Variants in AJAP1 observed in about 807,000 individuals in gnomAD.
AJAP1 encodes adherens junction-associated protein 1.
AJAP1 carries 5 observed loss-of-function variants against 35.0 expected under a neutral mutation model. That is an observed-to-expected ratio of 0.14 (90% CI 0.07 to 0.30). The LOEUF (loss-of-function observed/expected upper bound fraction) is 0.30. AJAP1 is among the 10% of genes least tolerant of loss of function. AJAP1 has a pLI of 1.00. For missense variants in AJAP1, 586 were observed against 571.0 expected (o/e 1.03, Z -0.27); for synonymous variants, 284 against 249.3 (o/e 1.14, Z -1.31).
Position 4,655,481 on chromosome 1 carries a change from C to T in AJAP1, c.29+27C>T, listed in dbSNP as rs369441367. 5 of 1,562,216 alleles carry T rather than the reference C, an allele frequency of 3.2e-6. No homozygotes were observed. In the African/African-American group the frequency reaches 5.6e-5, roughly 18 times the overall value. ...TGAGCGACCCGGCCGGCGCCGGGTG[C>T]GTGTGGGCGCGTGGGTGCCAGGCTG... is the stretch of plus-strand genomic sequence containing the variant. On this transcript the variant is annotated intron_variant, in intron 1 of 5. Transcript: ENST00000378191. This position sits in a 1 kb window ranked among gnomAD's most constrained non-coding sequence, Gnocchi z 6.9.
intron 1 of AJAP1, among the ~76,000 whole-genome samples, chr1:4,687,244 A>C (rs1639625824): frequency 6.6e-6 from 1 of 152,178 alleles, no homozygotes; most frequent in South Asian, 2.1e-4. Context: ...CACCATGGGC[A>C]CTCGCTATGT....
chr1:4,659,014 G>A (rs1027243399), intron 1 of AJAP1, among the ~76,000 whole-genome samples: 2 of 152,202 alleles, frequency 1.3e-5, no homozygotes, highest in African/African-American at 4.8e-5. Context: ...TTGGCAGGTG[G>A]GGCCCTGTGT....
At chr1:4,659,277 A>G (rs1220919931) in intron 1 of AJAP1, among the ~76,000 whole-genome samples, 6 of 152,206 alleles carry the variant, frequency 3.9e-5, no homozygotes, top group African/African-American at 1.4e-4. Context: ...TAGCTTGGAA[A>G]GCCAAATATA....
chr1:4,760,574 G>A (rs1189663478), intron 2 of AJAP1, among the ~76,000 whole-genome samples: 1 of 152,156 alleles, frequency 6.6e-6, no homozygotes, highest in Non-Finnish European at 1.5e-5. Flanking sequence ...GTCCATGGCT[G>A]GGGAGCCACA....
chr1:4,783,350 C>G lies in AJAP1; in HGVS notation c.*865C>G, dbSNP rs553516332. ...ATTCACCCCAGGGGACAGCCTCGAC[C>G]GAGACAAGGAGGCCCTTAAATGACA... On this transcript the variant is annotated 3_prime_UTR_variant, in exon 6 of 6. Transcript: ENST00000378191. The G allele has an allele frequency of 6.6e-6, 1 of 151,214 alleles. No individual in the cohort carries two copies. The highest frequency in any genetic ancestry group is 2.4e-5 in the African/African-American group (1 of 41,082). 9.4% of individuals were successfully genotyped at this position (151,214 alleles called of 1,614,324 possible).
At chr1:4,728,958 T>C (rs1467608808) in intron 2 of AJAP1, among the ~76,000 whole-genome samples, 1 of 152,098 alleles carries the variant, frequency 6.6e-6, no homozygotes, top group Non-Finnish European at 1.5e-5. Flanking sequence ...CACACATCCA[T>C]GTTTCCATTA....
chr1:4,704,157 G>GTTTTT (rs34590919), intron 1 of AJAP1, among the ~76,000 whole-genome samples: 1 of 145,294 alleles, frequency 6.9e-6, no homozygotes, highest in African/African-American at 2.5e-5. Context: ...AAACGGGGAA[G>GTTTTT]TTTTTTTTTT....
rs191038615 is a variant in AJAP1, at chr1:4,701,932, C to G, written c.30-9968C>G. 7.7e-4 allele frequency among the ~76,000 whole-genome samples: 118 copies of G among 152,294 alleles called. 1 individual carries two copies. The highest frequency in any genetic ancestry group is 2.6e-3 in the African/African-American group (108 of 41,574). On this transcript the variant is annotated intron_variant, in intron 1 of 5. Transcript: ENST00000378191. Reference sequence around the variant, plus strand: ...CTTCACCTCCCTTCCCTTTCCTCCCCCAACACCCCGCCATGCACAGCCATT... The same window carrying G: ...CTTCACCTCCCTTCCCTTTCCTCCCGCAACACCCCGCCATGCACAGCCATT...
intron 2 of AJAP1, among the ~76,000 whole-genome samples, chr1:4,749,747 G>A (rs949440864): frequency 2.0e-5 from 3 of 152,284 alleles, no homozygotes; most frequent in Non-Finnish European, 2.9e-5. Context: ...CATGAAGGGT[G>A]TGTGGGTGTG....
intron 2 of AJAP1, among the ~76,000 whole-genome samples, chr1:4,719,999 G>GC (rs1471022276): frequency 1.3e-5 from 2 of 152,122 alleles, no homozygotes; most frequent in Non-Finnish European, 2.9e-5. Flanking sequence ...GGAACCCTCT[G>GC]CCCCACCTCT....
chr1:4,731,247 A>C (rs1640789983), intron 2 of AJAP1, among the ~76,000 whole-genome samples: 1 of 151,926 alleles, frequency 6.6e-6, no homozygotes, highest in Admixed American at 6.6e-5. Flanking sequence ...TGCCCGGCTA[A>C]TTTTTGTATT....
In AJAP1 at chr1:4,787,679, C is replaced by A. The variant is rs546618545; in HGVS notation, c.*5194C>A. 1.4e-3 allele frequency: 653 copies of A among 456,128 alleles called. 9 individuals are homozygous for A. The highest frequency in any genetic ancestry group is 9.9e-3 in the South Asian group (642 of 64,532). 28.3% of individuals were successfully genotyped at this position (456,128 alleles called of 1,614,324 possible). ...ATCCCTGGGCACTGGCTCTGCCCAG[C>A]CCCTCCCATGTTGGTCCCATCTGTC... is the stretch of plus-strand genomic sequence containing the variant. On this transcript the variant is annotated 3_prime_UTR_variant, in exon 6 of 6. Transcript: ENST00000378191.
chr1:4,677,756 C>T (rs114006695), intron 1 of AJAP1, among the ~76,000 whole-genome samples: 6,470 of 151,292 alleles, frequency 0.043, 181 homozygotes, highest in South Asian at 0.075. Flanking sequence ...AAAAAAAAAT[C>T]ATGTGCCTAT....
intron 2 of AJAP1, among the ~76,000 whole-genome samples, chr1:4,738,214 G>A (rs563730357): frequency 1.4e-4 from 21 of 152,336 alleles, no homozygotes; most frequent in African/African-American, 4.8e-4. Flanking sequence ...TGCATGATGA[G>A]GCATGATCAA....
chr1:4,760,892 T>C (rs912763235), intron 2 of AJAP1, among the ~76,000 whole-genome samples: 2 of 152,128 alleles, frequency 1.3e-5, no homozygotes, highest in Non-Finnish European at 2.9e-5. Context: ...ATTCTTGGGG[T>C]CCTGTAGGCC....
intron 5 of AJAP1, among the ~76,000 whole-genome samples, chr1:4,779,635 A>G (rs1642021511): frequency 6.6e-6 from 1 of 152,086 alleles, no homozygotes; most frequent in African/African-American, 2.4e-5. Flanking sequence ...CAGCCATATG[A>G]CTTACGGTCC....
intron 2 of AJAP1, among the ~76,000 whole-genome samples, chr1:4,713,804 G>A (rs1413215431): frequency 2.0e-5 from 3 of 152,354 alleles, no homozygotes; most frequent in East Asian, 1.9e-4. Context: ...GGGCGGGGGC[G>A]CCCTGTGGCC....
intron 1 of AJAP1, among the ~76,000 whole-genome samples, chr1:4,689,242 G>A (rs1027406539): frequency 6.6e-6 from 1 of 152,238 alleles, no homozygotes; most frequent in African/African-American, 2.4e-5. Flanking sequence ...AAATCAGAAC[G>A]ACGCGCCTGG....
chr1:4,753,948 T>C (rs1350364388), intron 2 of AJAP1, among the ~76,000 whole-genome samples: 7 of 152,216 alleles, frequency 4.6e-5, no homozygotes, highest in African/African-American at 7.2e-5. Context: ...TTGTCTTTTG[T>C]TTTTTCTCTT....
Sources: allele counts gnomAD v4.1 joint callset (sites outside exome capture counted in the v4.1 genomes callset), GRCh38; gene constraint gnomAD v4.1.1; non-coding constraint Gnocchi (gnomAD v3.1); transcripts MANE v1.5; gene names NCBI Gene and HGNC (gene_info 2026-07-23, HGNC 2026-07-21).